Variants in BANK1 observed in about 807,000 individuals in gnomAD.
The protein encoded by BANK1 is B-cell scaffold protein with ankyrin repeats.
A neutral mutation model predicts 94.5 loss-of-function variants in BANK1; 95 were observed. The observed-to-expected ratio is 1.00, with a 90% CI of 0.85 to 1.19. The LOEUF is 1.19. BANK1 is among the 50% of genes most tolerant of loss of function. The pLI is 0.00. For missense variants in BANK1, 987 were observed against 932.2 expected, an observed-to-expected ratio of 1.06 and a Z score of -0.77; for synonymous variants, 334 against 308.4, an observed-to-expected ratio of 1.08 and a Z score of -0.87.
chr4:101,842,389 C>G (rs11947954), intron 2 of BANK1, among the ~76,000 whole-genome samples: 1,738 of 152,296 alleles, frequency 0.011, 33 homozygotes, highest in African/African-American at 0.04. Flanking sequence ...GAGCCAACCA[C>G]CAATAAAAGA....
intron 7 of BANK1, among the ~76,000 whole-genome samples, chr4:101,996,194 C>T (rs562202076): frequency 6.6e-6 from 1 of 152,224 alleles, no homozygotes; most frequent in African/African-American, 2.4e-5. Context: ...AATCCTTTCC[C>T]CATTGCTTAT....
At chr4:101,902,324 G>T (rs553470306) in intron 6 of BANK1, among the ~76,000 whole-genome samples, 1 of 152,140 alleles carries the variant, frequency 6.6e-6, no homozygotes, top group Admixed American at 6.5e-5. Flanking sequence ...AATATAATGG[G>T]TAATGTTTAG....
Position 101,820,317 on chromosome 4 carries a change from G to GT in BANK1, c.71-9485dup, listed in dbSNP as rs201112406. Among the ~76,000 whole-genome samples the GT allele has an allele frequency of 4.4e-3, 663 of 152,146 alleles. 9 individuals carry two copies. The highest frequency in any genetic ancestry group is 0.015 in the African/African-American group (632 of 41,502). ...ATGAACAATTTCTGAGTATTAAATCGTTTTTTGTGGAATTTTCTCCCTTCC... is the reference window on the plus strand; with the variant it reads ...ATGAACAATTTCTGAGTATTAAATCGTTTTTTTGTGGAATTTTCTCCCTTCC... On this transcript the variant is annotated intron_variant, in intron 1 of 16. Transcript: ENST00000322953.
intron 1 of BANK1, 95 bp from the exon 2 acceptor site, chr4:101,829,713 A>G: frequency 1.4e-6 from 1 of 695,428 alleles, no homozygotes; most frequent in East Asian, 3.0e-5. Flanking sequence ...GCAAATTAAT[A>G]TATTGCCTAG....
At chr4:101,947,284 AATATATATATAT>A (rs36202521) in intron 7 of BANK1, among the ~76,000 whole-genome samples, 1,089 of 58,276 alleles carry the variant, frequency 0.019, 59 homozygotes, top group African/African-American at 0.04. Context: ...AGAAGTTGTA[AATATATATATAT>A]ATATATATAT....
chr4:101,999,002 C>G (rs969294446), intron 7 of BANK1, among the ~76,000 whole-genome samples: 2 of 152,070 alleles, frequency 1.3e-5, no homozygotes, highest in African/African-American at 4.8e-5. Context: ...AAACATAAGA[C>G]TGAAAATACA....
At chr4:101,966,338 A>G (rs1274620641) in intron 7 of BANK1, among the ~76,000 whole-genome samples, 1 of 152,008 alleles carries the variant, frequency 6.6e-6, no homozygotes, top group African/African-American at 2.4e-5. Context: ...CCTCCTTTCA[A>G]TGCCAGGGAG....
chr4:101,934,564 C>T (rs961041861), intron 7 of BANK1, among the ~76,000 whole-genome samples: 1 of 151,480 alleles, frequency 6.6e-6, no homozygotes, highest in Non-Finnish European at 1.5e-5. Flanking sequence ...ATGAGATCTC[C>T]TTGTGTCATT....
chr4:101,837,880 T>TCCTCTC (rs760201034), intron 2 of BANK1, among the ~76,000 whole-genome samples: 6 of 151,714 alleles, frequency 4.0e-5, no homozygotes, highest in African/African-American at 7.3e-5. Context: ...ATAGCTTTTC[T>TCCTCTC]CCTCTCCCTC....
chr4:102,000,322 C>CAAAAAA (rs3974642), intron 7 of BANK1, among the ~76,000 whole-genome samples: 3 of 66,100 alleles, frequency 4.5e-5, no homozygotes, highest in African/African-American at 6.1e-5. Flanking sequence ...AACTCTGTCT[C>CAAAAAA]AAAAAAAAAA....
At chr4:102,032,359 T>A (rs1406511692) in intron 10 of BANK1, 1 of 152,220 alleles carries the variant, frequency 6.6e-6, no homozygotes, top group Non-Finnish European at 1.5e-5. Context: ...TTCTCTGTTG[T>A]TCTTTTTTGT....
At chr4:101,883,525 T>C (rs1728749092) in intron 5 of BANK1, among the ~76,000 whole-genome samples, 1 of 152,200 alleles carries the variant, frequency 6.6e-6, no homozygotes, top group South Asian at 2.1e-4. Flanking sequence ...TATCACTCAG[T>C]GGCAATGAAT....
At chr4:101,939,686 G>A (rs1426128185) in intron 7 of BANK1, among the ~76,000 whole-genome samples, 1 of 151,662 alleles carries the variant, frequency 6.6e-6, no homozygotes, top group African/African-American at 2.4e-5. Context: ...AATGAGAAAT[G>A]TAGGGGAGTA....
In BANK1 at chr4:101,870,625, C is replaced by A; in HGVS notation, c.884C>A (p.Ser295Ter). Residue 295 changes from serine (S) to a stop codon, truncating the protein, a stop_gained, in exon 5 of 17, where the codon TCA becomes TAA. Transcript: ENST00000322953. LOFTEE classifies it high-confidence loss of function. Reference sequence around the variant, plus strand: ...GAATGCCTATTCAGAATGGCAGATTCAGGAGAGAGTTTGTGCCAGGTAAGT... The same window carrying A: ...GAATGCCTATTCAGAATGGCAGATTAAGGAGAGAGTTTGTGCCAGGTAAGT... ...AKECLFRMADSGESLCQNSIE... is the reference protein window; with the variant it reads ...AKECLFRMAD 1 of 1,611,046 alleles carries A rather than the reference C, an allele frequency of 6.2e-7. No homozygotes were observed. Among genetic ancestry groups the A allele is most frequent in the East Asian group, 2.2e-5 (1 of 44,794 alleles).
At chr4:101,837,966 C>G (rs1245180535) in intron 2 of BANK1, among the ~76,000 whole-genome samples, 1 of 144,078 alleles carries the variant, frequency 6.9e-6, no homozygotes, top group African/African-American at 2.7e-5. Flanking sequence ...TCTTCTCTTT[C>G]TCTTCTTTTT....
chr4:101,975,263 C>G (rs1035528343), intron 7 of BANK1, among the ~76,000 whole-genome samples: 2 of 152,142 alleles, frequency 1.3e-5, no homozygotes, highest in African/African-American at 4.8e-5. Context: ...ACACATTTAG[C>G]TAACTCTTTT....
chr4:101,934,272 A>G (rs1287125598), intron 7 of BANK1, among the ~76,000 whole-genome samples: 1 of 151,400 alleles, frequency 6.6e-6, no homozygotes, highest in Non-Finnish European at 1.5e-5. Flanking sequence ...CTGCAGTCCT[A>G]CAACTTACTT....
chr4:101,836,452 C>T (rs1457506608), intron 2 of BANK1, among the ~76,000 whole-genome samples: 1 of 152,162 alleles, frequency 6.6e-6, no homozygotes, highest in Non-Finnish European at 1.5e-5. Flanking sequence ...TGCACTCCAA[C>T]CTGGGCGACA....
chr4:101,909,287 C>G (rs1307934778), intron 6 of BANK1, among the ~76,000 whole-genome samples: 1 of 152,088 alleles, frequency 6.6e-6, no homozygotes, highest in African/African-American at 2.4e-5. Context: ...CAAACTATCA[C>G]AAGGGCAAAA....
Sources: allele counts gnomAD v4.1 joint callset (sites outside exome capture counted in the v4.1 genomes callset), GRCh38; gene constraint gnomAD v4.1.1; transcripts MANE v1.5; gene names NCBI Gene and HGNC (gene_info 2026-07-23, HGNC 2026-07-21).